Variants in EFCAB6 observed in about 807,000 individuals in gnomAD.
EFCAB6 encodes EF-hand calcium-binding domain-containing protein 6.
EFCAB6 carries 156 observed loss-of-function variants against 169.8 expected under a neutral mutation model. The ratio of observed to expected loss-of-function variants is 0.92; its 90% CI spans 0.81 to 1.05. The LOEUF (loss-of-function observed/expected upper bound fraction) is 1.05, where lower values mean the gene tolerates loss of function less well. Ranked by LOEUF, EFCAB6 falls within the 50% of genes least tolerant of loss-of-function variation. EFCAB6 has a pLI of 0.00. For missense variants in EFCAB6, 1,800 were observed against 1,829.1 expected (o/e 0.98, Z 0.29); for synonymous variants, 698 against 676.4 (o/e 1.03, Z -0.50).
At chr22:43,600,004 G>T in intron 23 of EFCAB6, 65 bp downstream of exon 23, 1 of 1,502,590 alleles carries the variant, frequency 6.7e-7, no homozygotes, top group Non-Finnish European at 9.0e-7. Context: ...AAAATAACTT[G>T]TGCTGTGAGG....
intron 17 of EFCAB6, among the ~76,000 whole-genome samples, chr22:43,651,484 A>C (rs2056464293): frequency 6.6e-6 from 1 of 152,248 alleles, no homozygotes; most frequent in African/African-American, 2.4e-5. Context: ...CAGGGCTCTC[A>C]TAGACAACCT....
In EFCAB6 at chr22:43,618,660, T is replaced by A. The variant is rs923523346; in HGVS notation, c.2466-2738A>T. 2.6e-5 allele frequency among the ~76,000 whole-genome samples: 4 copies of A among 152,104 alleles called. 1 individual carries two copies. The highest frequency in any genetic ancestry group is 9.7e-5 in the African/African-American group (4 of 41,418). On this transcript the variant is annotated intron_variant, in intron 20 of 31. Coordinates refer to ENST00000262726, the MANE Select transcript of EFCAB6 (RefSeq NM_022785.4). ...TGCAGCAGATGTGAACAGAAAAAGG[T>A]CCAAAAGAAAGGCTGACTTTCTGAC... is the stretch of plus-strand genomic sequence containing the variant.
intron 23 of EFCAB6, among the ~76,000 whole-genome samples, chr22:43,594,275 C>CA (rs750560174): frequency 0.011 from 904 of 81,198 alleles, 16 homozygotes; most frequent in African/African-American, 0.017. Context: ...AACTCTGTTT[C>CA]AAAAAAAAAA....
intron 26 of EFCAB6, among the ~76,000 whole-genome samples, chr22:43,558,338 C>T (rs1423254776): frequency 6.6e-6 from 1 of 151,936 alleles, no homozygotes; most frequent in Non-Finnish European, 1.5e-5. Flanking sequence ...TTCACAGTCG[C>T]ATTAATGACA....
At position 43,628,358 on chromosome 22, in the gene EFCAB6, C is replaced by G. The variant is rs1369131414; in HGVS notation, c.2233-1679G>C. Among the ~76,000 whole-genome samples, 2 of 148,416 alleles carry G rather than the reference C, an allele frequency of 1.3e-5. No homozygotes were observed. The highest frequency in any genetic ancestry group is 3.1e-5 in the Non-Finnish European group (2 of 65,514). On this transcript the variant is annotated intron_variant, in intron 19 of 31. Transcript: ENST00000262726. The surrounding 1 kb of genome is among the most constrained non-coding windows in gnomAD (Gnocchi z 4.8). ...CCTTCAGAGTGCATTAGCACTGGAC[C>G]CCCTCTCCCAGGCACACCACCTCGG...
At chr22:43,715,737 T>G (rs1490352195) in intron 9 of EFCAB6, among the ~76,000 whole-genome samples, 3 of 152,192 alleles carry the variant, frequency 2.0e-5, no homozygotes, top group Non-Finnish European at 2.9e-5. Flanking sequence ...TTTTTAGAAT[T>G]GCTTACGTTT....
Position 43,749,336 on chromosome 22 carries a change from CA to C in EFCAB6, c.507+6429del, listed in dbSNP as rs2060675072. Among the ~76,000 whole-genome samples, 3 of 152,182 alleles carry C rather than the reference CA, an allele frequency of 2.0e-5. No homozygotes were observed. In the South Asian group the frequency reaches 6.2e-4, roughly 32 times the overall value. ...CCTCAGAAGGAGATATAAACGTGGGCACCCTCAGCATATAGCCCTCTTATTC... is the reference window on the plus strand; with the variant it reads ...CCTCAGAAGGAGATATAAACGTGGGCCCCTCAGCATATAGCCCTCTTATTC... On this transcript the variant is annotated intron_variant, in intron 6 of 31. Transcript: ENST00000262726.
At chr22:43,736,997 C>A (rs1002173339) in intron 6 of EFCAB6, among the ~76,000 whole-genome samples, 1 of 151,836 alleles carries the variant, frequency 6.6e-6, no homozygotes, top group African/African-American at 2.4e-5. Flanking sequence ...TGCCTCTCAG[C>A]CTCACTTCCT....
intron 11 of EFCAB6, 73 bp downstream of exon 11, chr22:43,687,398 C>T (rs2058238279): frequency 1.1e-6 from 1 of 909,098 alleles, no homozygotes. Flanking sequence ...AAAAGTAGCA[C>T]AGATATTCTC....
chr22:43,787,140 G>A (rs571106728), intron 2 of EFCAB6, among the ~76,000 whole-genome samples: 36 of 152,198 alleles, frequency 2.4e-4, no homozygotes, highest in African/African-American at 8.4e-4. Context: ...AGTTTTCTCC[G>A]TAAGATCAAA....
intron 2 of EFCAB6, among the ~76,000 whole-genome samples, chr22:43,788,542 A>C (rs886527774): frequency 2.0e-5 from 3 of 152,260 alleles, no homozygotes; most frequent in Non-Finnish European, 4.4e-5. Context: ...ACCACTTTAC[A>C]TTCATTAGCA....
At chr22:43,613,636 G>C (rs2053480864) in intron 21 of EFCAB6, among the ~76,000 whole-genome samples, 1 of 152,060 alleles carries the variant, frequency 6.6e-6, no homozygotes, top group African/African-American at 2.4e-5. Context: ...AGGAGGGGGA[G>C]GATTTGGAAA....
At chr22:43,605,701 A>C (rs1360927281) in intron 22 of EFCAB6, among the ~76,000 whole-genome samples, 2 of 152,202 alleles carry the variant, frequency 1.3e-5, no homozygotes, top group South Asian at 2.1e-4. Flanking sequence ...CGGTGGTGAC[A>C]GCTGCACTGC....
intron 21 of EFCAB6, among the ~76,000 whole-genome samples, chr22:43,614,841 T>C (rs2053586595): frequency 6.6e-6 from 1 of 150,648 alleles, no homozygotes; most frequent in Non-Finnish European, 1.5e-5. Context: ...GTCTGTGGAG[T>C]CCACAGCACA....
In EFCAB6 at chr22:43,632,085, G is replaced by T; in HGVS notation, c.2232+20C>A. On this transcript the variant is annotated intron_variant, in intron 19 of 31. Transcript: ENST00000262726. ...CAGGGGAGGCCTAGAGAAGCCCAGC[G>T]CCAGACAGTCACGGTTTACCCGGAA... is the stretch of plus-strand genomic sequence containing the variant. 6.2e-7 allele frequency: 1 copy of T among 1,612,316 alleles called. No homozygotes were observed.
chr22:43,544,362 G>A (rs577771305), intron 27 of EFCAB6, among the ~76,000 whole-genome samples: 18 of 152,274 alleles, frequency 1.2e-4, no homozygotes, highest in South Asian at 4.1e-4. Flanking sequence ...ACCCCTCCTC[G>A]TGTCTCTGGA....
At chr22:43,771,888 A>G (rs1205902535) in intron 4 of EFCAB6, among the ~76,000 whole-genome samples, 1 of 152,234 alleles carries the variant, frequency 6.6e-6, no homozygotes, top group Non-Finnish European at 1.5e-5. Flanking sequence ...CACTTCCGAT[A>G]GAAGTCACAG....
At chr22:43,734,137 A>G (rs1031582163) in intron 7 of EFCAB6, among the ~76,000 whole-genome samples, 12 of 152,152 alleles carry the variant, frequency 7.9e-5, no homozygotes, top group Non-Finnish European at 1.2e-4. Context: ...GGCCATTTCT[A>G]CCACACCAAG....
At chr22:43,539,273 C>T (rs557466979) in intron 28 of EFCAB6, among the ~76,000 whole-genome samples, 2 of 152,294 alleles carry the variant, frequency 1.3e-5, no homozygotes, top group South Asian at 4.1e-4. Context: ...TGCTCCTGAC[C>T]CCTCTTCCCT....
Sources: allele counts gnomAD v4.1 joint callset (sites outside exome capture counted in the v4.1 genomes callset), GRCh38; gene constraint gnomAD v4.1.1; non-coding constraint Gnocchi (gnomAD v3.1); transcripts MANE v1.5; gene names NCBI Gene and HGNC (gene_info 2026-07-23, HGNC 2026-07-21).